The following ZCCHC14 variants were observed in gnomAD, a reference collection of about 807,000 sequenced individuals.
The protein encoded by ZCCHC14 is zinc finger CCHC-type containing 14, also known as zinc finger CCHC domain-containing protein 14.
Under a neutral mutation model 85.0 loss-of-function variants are expected in ZCCHC14, and 16 were observed. The observed-to-expected ratio is 0.19, with a 90% CI of 0.13 to 0.29. ZCCHC14 has a LOEUF of 0.29. ZCCHC14 is among the 10% of genes least tolerant of loss of function. ZCCHC14 has a pLI of 1.00. For synonymous variants in ZCCHC14, 775 were observed against 630.7 expected, an observed-to-expected ratio of 1.23 and a Z score of -3.43; for missense variants, 1,303 against 1,443.5, an observed-to-expected ratio of 0.90 and a Z score of 1.58.
At position 87,420,163 on chromosome 16, in the gene ZCCHC14, C is replaced by T. The variant is rs1480067152; in HGVS notation, c.951-286G>A. On this transcript the variant is annotated intron_variant, in intron 5 of 12. Transcript: ENST00000671377. This position sits in a 1 kb window ranked among gnomAD's most constrained non-coding sequence, Gnocchi z 5.0. ...GTGCCACCCACCAGCCAGAAAGGTG[C>T]TTGGACACTGGTCCCCAGGGCCCCG... is the stretch of plus-strand genomic sequence containing the variant. 6.6e-6 allele frequency among the ~76,000 whole-genome samples: 1 copy of T among 152,222 alleles called. No homozygotes were observed. Among genetic ancestry groups the T allele is most frequent in the Non-Finnish European group, 1.5e-5 (1 of 68,048 alleles).
At chr16:87,431,488 A>G (rs1055889501) in intron 3 of ZCCHC14, among the ~76,000 whole-genome samples, 14 of 151,646 alleles carry the variant, frequency 9.2e-5, no homozygotes, top group South Asian at 2.1e-4. Flanking sequence ...AAAAAAAAAA[A>G]AAAGAAAAGA....
chr16:87,415,372 C>G lies in ZCCHC14; in HGVS notation c.1384-5G>C. On this transcript the variant is annotated splice_polypyrimidine_tract_variant and splice_region_variant and intron_variant, in intron 8 of 12. Transcript: ENST00000671377. ...TTCTTCAGTAAGGCTCAAAAACTTTCACAGAAAAAACAAATTACAAAGTTA... is the reference window on the plus strand; with the variant it reads ...TTCTTCAGTAAGGCTCAAAAACTTTGACAGAAAAAACAAATTACAAAGTTA... 1.2e-6 allele frequency: 2 copies of G among 1,612,270 alleles called. No homozygotes were observed. Among genetic ancestry groups the G allele is most frequent in the Non-Finnish European group, 1.7e-6 (2 of 1,179,562 alleles).
intron 10 of ZCCHC14, among the ~76,000 whole-genome samples, chr16:87,413,571 G>C (rs1243625670): frequency 6.6e-6 from 1 of 151,874 alleles, no homozygotes; most frequent in Non-Finnish European, 1.5e-5. Context: ...CATCCTGCCA[G>C]GTTTTTTTTT....
At chr16:87,432,294 T>A (rs1234566539) in intron 3 of ZCCHC14, among the ~76,000 whole-genome samples, 1 of 152,172 alleles carries the variant, frequency 6.6e-6, no homozygotes, top group African/African-American at 2.4e-5. Flanking sequence ...CCGGGACACA[T>A]TTCCCAGCCT....
intron 1 of ZCCHC14, among the ~76,000 whole-genome samples, chr16:87,465,087 G>A (rs1307069388): frequency 1.3e-5 from 2 of 152,174 alleles, no homozygotes; most frequent in Non-Finnish European, 2.9e-5. Context: ...TGCTGCCCTG[G>A]GCACAGCAGT....
chr16:87,488,480 A>G (rs573242128), intron 1 of ZCCHC14, among the ~76,000 whole-genome samples: 15 of 152,370 alleles, frequency 9.8e-5, no homozygotes, highest in African/African-American at 3.6e-4. Flanking sequence ...TTACACCTCT[A>G]GAAGTCCTCA....
intron 2 of ZCCHC14, among the ~76,000 whole-genome samples, chr16:87,440,901 C>T (rs1910151127): frequency 6.6e-6 from 1 of 152,136 alleles, no homozygotes. Context: ...AGGCCTGCAC[C>T]TTCACGCCCA....
chr16:87,441,817 G>A (rs1910199250), intron 2 of ZCCHC14, among the ~76,000 whole-genome samples: 1 of 152,190 alleles, frequency 6.6e-6, no homozygotes, highest in South Asian at 2.1e-4. Context: ...AACTAAAGAT[G>A]ATCTATGAAA....
At chr16:87,435,734 G>A (rs1193105773) in intron 2 of ZCCHC14, among the ~76,000 whole-genome samples, 1 of 152,258 alleles carries the variant, frequency 6.6e-6, no homozygotes, top group Non-Finnish European at 1.5e-5. Flanking sequence ...GGATGCGGGA[G>A]TCCACTCGCT....
chr16:87,459,603 G>C (rs1188317077), intron 2 of ZCCHC14, among the ~76,000 whole-genome samples: 4 of 151,634 alleles, frequency 2.6e-5, no homozygotes, highest in Non-Finnish European at 4.4e-5. Context: ...TCCGCCTCCT[G>C]GGTTCAAGCG....
intron 1 of ZCCHC14, chr16:87,473,017 T>C (rs772721351): frequency 2.6e-5 from 4 of 151,850 alleles, no homozygotes; most frequent in Non-Finnish European, 5.9e-5. Flanking sequence ...CTGCACCCAG[T>C]GTAAGAAAAA....
At chr16:87,488,265 C>T (rs898290037) in intron 1 of ZCCHC14, among the ~76,000 whole-genome samples, 7 of 152,104 alleles carry the variant, frequency 4.6e-5, no homozygotes, top group African/African-American at 1.7e-4. Flanking sequence ...CTTTTATTTA[C>T]GTAAAATAGG....
chr16:87,450,640 G>A (rs975124746), intron 2 of ZCCHC14, among the ~76,000 whole-genome samples: 7 of 147,878 alleles, frequency 4.7e-5, no homozygotes, highest in African/African-American at 1.0e-4. Flanking sequence ...GCATGATCTC[G>A]GCTCATTGCA....
chr16:87,487,514 C>A (rs1912562435), intron 1 of ZCCHC14, among the ~76,000 whole-genome samples: 2 of 152,232 alleles, frequency 1.3e-5, no homozygotes, highest in South Asian at 4.1e-4. Context: ...CCAGCTGCAG[C>A]TCCCCAGGCT....
intron 1 of ZCCHC14, among the ~76,000 whole-genome samples, chr16:87,480,020 C>T (rs549673391): frequency 6.6e-6 from 1 of 152,116 alleles, no homozygotes; most frequent in Admixed American, 6.5e-5. Flanking sequence ...AGTGATCCAC[C>T]TGCCTTGGTC....
chr16:87,440,095 C>T (rs1910112357), intron 2 of ZCCHC14, among the ~76,000 whole-genome samples: 1 of 152,222 alleles, frequency 6.6e-6, no homozygotes, highest in African/African-American at 2.4e-5. Context: ...GTGAAAGCCG[C>T]TGTGCCCGGC....
intron 10 of ZCCHC14, 51 bp from the exon 11 acceptor site, chr16:87,413,246 C>T (rs1908578369): frequency 1.4e-6 from 2 of 1,469,144 alleles, no homozygotes; most frequent in Admixed American, 4.9e-5. Context: ...CCTGCAGGCT[C>T]AGCCCGCCCC....
intron 1 of ZCCHC14, among the ~76,000 whole-genome samples, chr16:87,485,706 T>A (rs1308420531): frequency 6.6e-6 from 1 of 152,084 alleles, no homozygotes; most frequent in Admixed American, 6.6e-5. Context: ...AATTTCTTCG[T>A]CATCAATTCA....
chr16:87,477,716 C>T (rs1268971557), intron 1 of ZCCHC14, among the ~76,000 whole-genome samples: 1 of 152,140 alleles, frequency 6.6e-6, no homozygotes, highest in East Asian at 1.9e-4. Flanking sequence ...GAAATACATG[C>T]GACACCCTCA....
Sources: gnomAD v4.1 joint callset for allele counts (sites outside exome capture counted in the v4.1 genomes callset) on GRCh38, gnomAD v4.1.1 for gene constraint, Gnocchi (gnomAD v3.1) non-coding constraint, MANE v1.5 for transcripts, NCBI Gene and HGNC (gene_info 2026-07-23, HGNC 2026-07-21) for gene names.